The following PLXNC1 variants were observed in gnomAD, a reference collection of about 807,000 sequenced individuals.
PLXNC1 encodes the protein plexin-C1.
Under a neutral mutation model 178.2 loss-of-function variants are expected in PLXNC1, and 75 were observed. The ratio of observed to expected loss-of-function variants is 0.42; its 90% CI spans 0.35 to 0.51. The LOEUF is 0.51. Ranked by LOEUF, PLXNC1 falls within the 20% of genes least tolerant of loss-of-function variation. The probability of loss-of-function intolerance (pLI) is 0.02; values close to 1 mark genes in which losing one functional copy is unlikely to be tolerated. For synonymous variants in PLXNC1, 790 were observed against 779.9 expected (o/e 1.01, Z -0.22); for missense variants, 1,503 against 1,984.4 (o/e 0.76, Z 4.61).
intron 14 of PLXNC1, among the ~76,000 whole-genome samples, chr12:94,249,378 G>A (rs569901696): frequency 3.3e-5 from 5 of 152,208 alleles, no homozygotes; most frequent in Admixed American, 6.5e-5. Context: ...GATTACAGGT[G>A]CGCACCACCA....
intron 5 of PLXNC1, among the ~76,000 whole-genome samples, chr12:94,219,153 C>T (rs1592777610): frequency 6.6e-6 from 1 of 152,036 alleles, no homozygotes; most frequent in African/African-American, 2.4e-5. Context: ...AGAGATAAAG[C>T]AGGAGAGATT....
Position 94,259,304 on chromosome 12 carries a change from T to C in PLXNC1, c.3088-33T>C, listed in dbSNP as rs368783322. On this transcript the variant is annotated intron_variant, in intron 17 of 30. Coordinates refer to ENST00000258526, the MANE Select transcript of PLXNC1 (RefSeq NM_005761.3). ...ATACACTCTTCATTTCCTTTGGATG[T>C]TATGAATAATAAAAGTGTCTCCTTC... is the stretch of plus-strand genomic sequence containing the variant. The C allele has an allele frequency of 7.3e-6, 11 of 1,514,684 alleles. No individual in the cohort carries two copies. In the African/African-American group the frequency reaches 1.2e-4, roughly 17 times the overall value. The allele number at this position is 1,514,684 out of a possible 1,614,324, so 93.8% of individuals were successfully genotyped here.
At chr12:94,179,609 C>T (rs555673182) in intron 2 of PLXNC1, among the ~76,000 whole-genome samples, 119 of 151,904 alleles carry the variant, frequency 7.8e-4, no homozygotes, top group Non-Finnish European at 9.4e-4. Context: ...GGTGTGGTGG[C>T]GCATGTCTGT....
Position 94,182,797 on chromosome 12 carries a change from A to C in PLXNC1, c.1338+1217A>C, listed in dbSNP as rs188169589. 2.7e-3 allele frequency among the ~76,000 whole-genome samples: 412 copies of C among 152,284 alleles called. 1 individual carries two copies. The highest frequency in any genetic ancestry group is 0.01 in the Middle Eastern group (3 of 294). On this transcript the variant is annotated intron_variant, in intron 3 of 30. Coordinates refer to ENST00000258526, the MANE Select transcript of PLXNC1 (RefSeq NM_005761.3). ...ATTTAATAAAAATAAATGTGTTATT[A>C]ATTTATTTTATGTGAAGAATCTAAG...
rs375403794 is a variant in PLXNC1 at position 94,237,721 on chromosome 12, G to T, written c.2038G>T (p.Val680Leu). ...QKVSTLGKSN[V>L]IVTGANFTRA... ...AGTATCGACATTAGGGAAAAGCAAC[G>T]TGATAGTAACGGGAGCAAACTTTAC... The change falls in exon 10 of 31, where the codon GTG becomes TTG. Residue 680 changes from valine to leucine, a missense_variant. Physicochemically the swap from Val to Leu is conservative, Grantham distance 32 (BLOSUM62 1). Around this residue, in one of 4 missense-constraint regions of PLXNC1, gnomAD observed 615 missense variants for 698.6 expected, o/e 0.88. Transcript: ENST00000258526. 2.5e-6 allele frequency: 4 copies of T among 1,613,836 alleles called. No homozygotes were observed. Among genetic ancestry groups the T allele is most frequent in the Non-Finnish European group, 3.4e-6 (4 of 1,179,778 alleles).
chr12:94,246,146 T>G (rs1482814548), intron 12 of PLXNC1, among the ~76,000 whole-genome samples: 3 of 152,220 alleles, frequency 2.0e-5, no homozygotes, highest in African/African-American at 7.2e-5. Context: ...AAGTGCTTGT[T>G]GCCGCTGAAT....
intron 5 of PLXNC1, among the ~76,000 whole-genome samples, chr12:94,217,396 T>C (rs1963675635): frequency 6.6e-6 from 1 of 152,214 alleles, no homozygotes; most frequent in African/African-American, 2.4e-5. Context: ...TAGACAATCT[T>C]ATTCACTTCC....
rs181772377 is a variant in PLXNC1, at chr12:94,184,259, A to G, written c.1339-2114A>G. Among the ~76,000 whole-genome samples the G allele has an allele frequency of 2.9e-3, 432 of 151,522 alleles. 1 individual carries two copies. The highest frequency in any genetic ancestry group is 0.01 in the African/African-American group (414 of 41,268). On this transcript the variant is annotated intron_variant, in intron 3 of 30. Coordinates refer to ENST00000258526, the MANE Select transcript of PLXNC1 (RefSeq NM_005761.3). ...CAGCCTCCCTAGTAGCTGGGACTAC[A>G]GTCACACGCTACCATGCCCGGCTAA... is the stretch of plus-strand genomic sequence containing the variant.
At chr12:94,301,742 T>A (rs1012516351) in intron 28 of PLXNC1, among the ~76,000 whole-genome samples, 2 of 152,206 alleles carry the variant, frequency 1.3e-5, no homozygotes, top group Admixed American at 6.5e-5. Flanking sequence ...GTTCCACAGG[T>A]GCCTCAGACT....
intron 14 of PLXNC1, among the ~76,000 whole-genome samples, chr12:94,250,843 A>T (rs1411971409): frequency 6.6e-6 from 1 of 151,614 alleles, no homozygotes; most frequent in Non-Finnish European, 1.5e-5. Context: ...ACATAGTGAG[A>T]CCCCGTCTCT....
intron 4 of PLXNC1, among the ~76,000 whole-genome samples, chr12:94,194,438 C>G (rs1045639071): frequency 6.6e-6 from 1 of 152,162 alleles, no homozygotes; most frequent in Admixed American, 6.5e-5. Context: ...TATAAAGTGG[C>G]ATTTATAATT....
chr12:94,290,909 G>C (rs1967250690), intron 23 of PLXNC1, among the ~76,000 whole-genome samples: 1 of 152,212 alleles, frequency 6.6e-6, no homozygotes, highest in African/African-American at 2.4e-5. Flanking sequence ...AAGGAGATTT[G>C]TGGATCTCTG....
chr12:94,269,098 A>G (rs1160110711), intron 21 of PLXNC1, among the ~76,000 whole-genome samples: 1 of 152,208 alleles, frequency 6.6e-6, no homozygotes, highest in African/African-American at 2.4e-5. Context: ...AGAAAAACCA[A>G]TAACTCGTAG....
chr12:94,212,480 C>T (rs1312958992), intron 5 of PLXNC1, among the ~76,000 whole-genome samples: 1 of 150,826 alleles, frequency 6.6e-6, no homozygotes, highest in Non-Finnish European at 1.5e-5. Context: ...CCCCCAGCCC[C>T]CCACCCCCCG....
intron 4 of PLXNC1, 39 bp from the exon 5 acceptor site, chr12:94,209,551 C>A: frequency 8.3e-7 from 1 of 1,205,336 alleles, no homozygotes; most frequent in Non-Finnish European, 1.2e-6. Flanking sequence ...TTAACTAACA[C>A]ACGTATGGGG....
At chr12:94,302,075 T>C (rs1331575753) in intron 28 of PLXNC1, among the ~76,000 whole-genome samples, 3 of 152,190 alleles carry the variant, frequency 2.0e-5, no homozygotes, top group Non-Finnish European at 4.4e-5. Context: ...TCACTGTCTC[T>C]CAGGTAATCT....
chr12:94,194,250 C>T (rs12228536), intron 4 of PLXNC1, among the ~76,000 whole-genome samples: 27,641 of 152,114 alleles, frequency 0.18, 2,581 homozygotes, highest in East Asian at 0.28. Flanking sequence ...GACCCACCCC[C>T]ATGATCCAAT....
intron 15 of PLXNC1, among the ~76,000 whole-genome samples, chr12:94,253,290 A>G (rs7303431): frequency 0.58 from 87,198 of 150,702 alleles, 25,553 homozygotes; most frequent in East Asian, 0.76. Context: ...GAAATTTGAC[A>G]GCTAGTACAG....
chr12:94,267,194 C>A (rs1001915808), intron 21 of PLXNC1, among the ~76,000 whole-genome samples: 1 of 152,170 alleles, frequency 6.6e-6, no homozygotes, highest in African/African-American at 2.4e-5. Flanking sequence ...AATCCTCCAG[C>A]ATTTCAGTCA....
Sources: gnomAD v4.1 joint callset for allele counts (sites outside exome capture counted in the v4.1 genomes callset) on GRCh38, gnomAD v4.1.1 for gene constraint, gnomAD v4.1.1 regional missense constraint, MANE v1.5 for transcripts, NCBI Gene and HGNC (gene_info 2026-07-23, HGNC 2026-07-21) for gene names.